CTNNA3: variants seen among roughly 807,000 people sequenced by gnomAD.
CTNNA3 encodes catenin alpha-3.
CTNNA3 carries 76 observed loss-of-function variants against 95.7 expected under a neutral mutation model. The ratio of observed to expected loss-of-function variants is 0.79; its 90% CI spans 0.66 to 0.96. CTNNA3 has a LOEUF of 0.96. Among genes scored for constraint, CTNNA3 ranks in the 40% least tolerant of loss-of-function variants. CTNNA3 has a pLI of 0.00. For missense variants in CTNNA3, 1,191 were observed against 1,089.8 expected (o/e 1.09, Z -1.31); for synonymous variants, 431 against 374.4 (o/e 1.15, Z -1.74).
intron 13 of CTNNA3, among the ~76,000 whole-genome samples, chr10:66,109,249 G>A (rs2082026084): frequency 6.6e-6 from 1 of 152,150 alleles, no homozygotes; most frequent in African/African-American, 2.4e-5. Context: ...GTAAATGACA[G>A]GGTCGGTGAG....
chr10:67,601,400 C>T (rs1224534720), intron 3 of CTNNA3, among the ~76,000 whole-genome samples: 1 of 152,134 alleles, frequency 6.6e-6, no homozygotes, highest in African/African-American at 2.4e-5. Flanking sequence ...CAATAGGGCT[C>T]ACACTCCTAT....
At chr10:66,062,861 C>G (rs891605033) in intron 15 of CTNNA3, among the ~76,000 whole-genome samples, 3 of 152,102 alleles carry the variant, frequency 2.0e-5, no homozygotes, top group African/African-American at 7.2e-5. Context: ...ATTTGTCACT[C>G]TATGGAGTTA....
At chr10:67,554,052 T>C (rs1299148235) in intron 3 of CTNNA3, among the ~76,000 whole-genome samples, 1 of 151,928 alleles carries the variant, frequency 6.6e-6, no homozygotes, top group East Asian at 1.9e-4. Context: ...GAATGATGGT[T>C]TCCAGCTTCA....
In CTNNA3 at chr10:67,726,441, TATATA is replaced by T. The variant is rs1841221736; in HGVS notation, c.-2+36988_-2+36992del. Among the ~76,000 whole-genome samples the T allele has an allele frequency of 5.5e-5, 4 of 72,442 alleles. No individual in the cohort carries two copies. The South Asian group carries it at 1.9e-3, about 34-fold the overall frequency. The allele number at this position is 72,442 out of a possible 152,430, so 47.5% of individuals were successfully genotyped here. A position where few individuals can be genotyped will look rare whatever the true frequency, so the allele number is the denominator to read the frequency against. On this transcript the variant is annotated intron_variant, in intron 1 of 17. Coordinates refer to the CTNNA3 transcript ENST00000684154. ...ATATTATATATTATATCATATATAA[TATATA>T]ATATTATATATGATATATGATATAA... is the stretch of plus-strand genomic sequence containing the variant.
At chr10:67,648,595 G>C in intron 1 of CTNNA3, 1 of 604,548 alleles carries the variant, frequency 1.7e-6, no homozygotes, top group Non-Finnish European at 2.5e-6. Context: ...GAAAGATTTT[G>C]CCTTGAAAAA....
Position 67,758,289 on chromosome 10 carries a change from T to C in CTNNA3, c.-2+5145A>G, listed in dbSNP as rs181834670. Among the ~76,000 whole-genome samples, 77 of 140,008 alleles carry C rather than the reference T, an allele frequency of 5.5e-4. 1 individual carries two copies. The East Asian group carries it at 0.012, about 22-fold the overall frequency. The allele number at this position is 140,008 out of a possible 152,430, so 91.9% of individuals were successfully genotyped here. A position where few individuals can be genotyped will look rare whatever the true frequency, so the allele number is the denominator to read the frequency against. Reference sequence around the variant, plus strand: ...AAATCTCCTCATGTGTATATGTATATACACACACACACACACATATATATA... The same window carrying C: ...AAATCTCCTCATGTGTATATGTATACACACACACACACACACATATATATA... On this transcript the variant is annotated intron_variant, in intron 1 of 17. Transcript: ENST00000684154.
chr10:67,141,413 C>A (rs964102461), intron 7 of CTNNA3, among the ~76,000 whole-genome samples: 1 of 152,104 alleles, frequency 6.6e-6, no homozygotes, highest in African/African-American at 2.4e-5. Context: ...CAAAATAAAC[C>A]CGACGTCATT....
At chr10:67,542,300 T>C (rs1840706528) in intron 3 of CTNNA3, among the ~76,000 whole-genome samples, 1 of 152,122 alleles carries the variant, frequency 6.6e-6, no homozygotes, top group Non-Finnish European at 1.5e-5. Flanking sequence ...AATAAGATTC[T>C]ATGTTTTCTA....
At chr10:66,579,784 C>A (rs1433190974) in intron 10 of CTNNA3, among the ~76,000 whole-genome samples, 3 of 151,662 alleles carry the variant, frequency 2.0e-5, no homozygotes, top group African/African-American at 7.3e-5. Flanking sequence ...TTTTTTCTTT[C>A]AGCACTTCAA....
chr10:67,645,973 G>A lies in CTNNA3; in HGVS notation c.99+1442C>T, dbSNP rs567125024. 1.0e-4 allele frequency among the ~76,000 whole-genome samples: 15 copies of A among 146,892 alleles called. 1 individual carries two copies. In the South Asian group the frequency reaches 3.2e-3, roughly 32 times the overall value. ...TATATATAATATATATACGTGTAAG[G>A]ATATATATAAAGAAGATATATTCTT... On this transcript the variant is annotated intron_variant, in intron 2 of 17. Coordinates refer to ENST00000433211, the MANE Select transcript of CTNNA3 (RefSeq NM_013266.4).
At chr10:66,367,893 ATTATTATTATT>A (rs2092724848) in intron 12 of CTNNA3, among the ~76,000 whole-genome samples, 3 of 19,748 alleles carry the variant, frequency 1.5e-4, no homozygotes, top group Non-Finnish European at 4.1e-4. Context: ...TATTATTATT[ATTATTATTATT>A]ATTATTATTA....
chr10:65,995,680 T>C (rs1422321040), intron 15 of CTNNA3, among the ~76,000 whole-genome samples: 1 of 152,216 alleles, frequency 6.6e-6, no homozygotes, highest in African/African-American at 2.4e-5. Context: ...GTTCATTAAG[T>C]TCCTGGGTAG....
intron 13 of CTNNA3, among the ~76,000 whole-genome samples, chr10:66,165,761 A>C (rs1351741199): frequency 6.8e-6 from 1 of 147,926 alleles, no homozygotes; most frequent in Non-Finnish European, 1.5e-5. Context: ...CAATTTATTT[A>C]TTTATTTTAT....
chr10:67,160,353 G>A (rs1183413091), intron 7 of CTNNA3, among the ~76,000 whole-genome samples: 1 of 150,246 alleles, frequency 6.7e-6, no homozygotes, highest in African/African-American at 2.4e-5. Context: ...ATATGATCCA[G>A]CAATCCCGCA....
At chr10:66,608,387 G>C (rs1352252290) in intron 10 of CTNNA3, among the ~76,000 whole-genome samples, 1 of 152,084 alleles carries the variant, frequency 6.6e-6, no homozygotes, top group Non-Finnish European at 1.5e-5. Context: ...GCAATTTATA[G>C]ATTCAATGCT....
intron 2 of CTNNA3, among the ~76,000 whole-genome samples, chr10:67,614,890 G>C (rs1333282120): frequency 6.6e-6 from 1 of 152,194 alleles, no homozygotes; most frequent in Non-Finnish European, 1.5e-5. Context: ...TCCTCTCTCT[G>C]TGTCCTCACA....
chr10:66,377,225 T>A (rs1012392477), intron 12 of CTNNA3, among the ~76,000 whole-genome samples: 2 of 152,100 alleles, frequency 1.3e-5, no homozygotes, highest in Non-Finnish European at 2.9e-5. Context: ...GTTACGCTAA[T>A]AATAAGATGC....
intron 2 of CTNNA3, among the ~76,000 whole-genome samples, chr10:67,636,459 TATAAAAAC>T (rs1839315874): frequency 6.6e-6 from 1 of 152,138 alleles, no homozygotes; most frequent in African/African-American, 2.4e-5. Flanking sequence ...ATGGTACTGG[TATAAAAAC>T]AGACACGTAG....
At chr10:67,611,868 G>T (rs1030786383) in intron 2 of CTNNA3, among the ~76,000 whole-genome samples, 4 of 152,078 alleles carry the variant, frequency 2.6e-5, no homozygotes, top group African/African-American at 9.7e-5. Flanking sequence ...TAAAATATAA[G>T]ACATTTAAGC....
Sources: allele counts gnomAD v4.1 joint callset (sites outside exome capture counted in the v4.1 genomes callset), GRCh38; gene constraint gnomAD v4.1.1; transcripts MANE v1.5; gene names NCBI Gene and HGNC (gene_info 2026-07-23, HGNC 2026-07-21).